Variants in CHKA observed in about 807,000 individuals in gnomAD.
CHKA encodes the protein CHETK-alpha.
A neutral mutation model predicts 60.1 loss-of-function variants in CHKA; 34 were observed. The ratio of observed to expected loss-of-function variants is 0.57; its 90% CI spans 0.43 to 0.75. The LOEUF (loss-of-function observed/expected upper bound fraction) is 0.75. Among genes scored for constraint, CHKA ranks in the 30% least tolerant of loss-of-function variants. The pLI is 0.00. For missense variants in CHKA, 563 were observed against 561.3 expected, an observed-to-expected ratio of 1.00 and a Z score of -0.03; for synonymous variants, 217 against 223.1, an observed-to-expected ratio of 0.97 and a Z score of 0.24.
At chr11:68,080,854 G>A (rs766489841) in intron 3 of CHKA, among the ~76,000 whole-genome samples, 22 of 152,162 alleles carry the variant, frequency 1.4e-4, no homozygotes, top group Non-Finnish European at 2.8e-4. Context: ...AGGCTCCATC[G>A]GTCAGTGCTC....
chr11:68,077,653 GCC>G (rs1426833236), intron 3 of CHKA, among the ~76,000 whole-genome samples: 2 of 152,186 alleles, frequency 1.3e-5, no homozygotes, highest in Non-Finnish European at 2.9e-5. Context: ...TAAGGCCCCT[GCC>G]CACAACGGGG....
Position 68,121,006 on chromosome 11 carries a change from G to A in CHKA, c.172C>T (p.Pro58Ser), listed in dbSNP as rs1447459187. ...GGCAGCGGCAGCGGCGGCGGAGGGGGCAGCGCGAGCGGCGGCTGTTGGCCG... is the reference window on the plus strand; with the variant it reads ...GGCAGCGGCAGCGGCGGCGGAGGGGACAGCGCGAGCGGCGGCTGTTGGCCG... ...LGGQQPPLAL[P>S]PPPPLPLPLP... Residue 58 changes from proline to serine, a missense_variant, in exon 1 of 12, where the codon CCC becomes TCC. Physicochemically the swap from Pro to Ser is moderately conservative, Grantham distance 74. Coordinates refer to ENST00000265689, the MANE Select transcript of CHKA (RefSeq NM_001277.3). 2.7e-6 allele frequency: 3 copies of A among 1,115,152 alleles called. No homozygotes were observed. The highest frequency in any genetic ancestry group is 4.3e-5 in the South Asian group (1 of 23,350). The allele number at this position is 1,115,152 out of a possible 1,614,324, so 69.1% of individuals were successfully genotyped here.
At position 68,121,200 on chromosome 11, in the gene CHKA, C is replaced by T; in HGVS notation, c.-23G>A. 8.7e-7 allele frequency: 1 copy of T among 1,153,014 alleles called. No individual in the cohort carries two copies. The highest frequency in any genetic ancestry group is 1.1e-6 in the Non-Finnish European group (1 of 936,554). 71.4% of individuals were successfully genotyped at this position (1,153,014 alleles called of 1,614,324 possible). On this transcript the variant is annotated 5_prime_UTR_variant, in exon 1 of 12. Transcript: ENST00000265689. ...CATGCCCGACAGGCGGCCGAGGAGG[C>T]GCGGGCGGCCGCAGCGCGAGAGGAC...
At chr11:68,109,844 C>T (rs1200994158) in intron 1 of CHKA, among the ~76,000 whole-genome samples, 6 of 152,042 alleles carry the variant, frequency 3.9e-5, no homozygotes, top group African/African-American at 9.7e-5. Context: ...CCCAGCTACT[C>T]GGGTGACTGA....
intron 1 of CHKA, among the ~76,000 whole-genome samples, chr11:68,115,613 G>A (rs1858354224): frequency 6.6e-6 from 1 of 152,118 alleles, no homozygotes; most frequent in Non-Finnish European, 1.5e-5. Context: ...GCTGAGGCAG[G>A]AGGGACCACT....
At chr11:68,098,884 G>A (rs1857605214) in intron 1 of CHKA, among the ~76,000 whole-genome samples, 1 of 26,302 alleles carries the variant, frequency 3.8e-5, no homozygotes, top group African/African-American at 1.1e-4. Context: ...GGTAGAAACG[G>A]AGTTTTGCCA....
chr11:68,101,307 T>C (rs1052310277), intron 1 of CHKA, among the ~76,000 whole-genome samples: 2 of 152,110 alleles, frequency 1.3e-5, no homozygotes, highest in Middle Eastern at 3.2e-3. Context: ...TCAGCTTCTC[T>C]TGATAGCCAG....
At chr11:68,086,772 G>A (rs1480166050) in intron 2 of CHKA, among the ~76,000 whole-genome samples, 1 of 152,232 alleles carries the variant, frequency 6.6e-6, no homozygotes, top group South Asian at 2.1e-4. Context: ...CGGATCACGA[G>A]GTCAGGGGAT....
chr11:68,113,695 A>G (rs905846740), intron 1 of CHKA, among the ~76,000 whole-genome samples: 2 of 151,164 alleles, frequency 1.3e-5, no homozygotes, highest in Non-Finnish European at 2.9e-5. Flanking sequence ...ACTCTGTCTC[A>G]AAACAAAAAC....
intron 11 of CHKA, among the ~76,000 whole-genome samples, chr11:68,061,095 GTTTTTTTTTT>G (rs757176198): frequency 4.2e-4 from 30 of 70,844 alleles, no homozygotes; most frequent in Admixed American, 6.3e-4. Context: ...GTCAGTGACA[GTTTTTTTTTT>G]TTTTTTTTTT....
rs376390061 is a variant in CHKA, at chr11:68,065,936, G to A, written c.1017-42C>T. 1.4e-4 allele frequency: 196 copies of A among 1,405,932 alleles called. 1 individual carries two copies. The highest frequency in any genetic ancestry group is 1.1e-3 in the Middle Eastern group (6 of 5,588). 87.1% of individuals were successfully genotyped at this position (1,405,932 alleles called of 1,614,324 possible). On this transcript the variant is annotated intron_variant, in intron 8 of 11. Transcript: ENST00000265689. ...GACAGTGCACACAATGAGGCAAACC[G>A]TATGCCTGGAGGCTCCCTGACTGCA...
At chr11:68,074,589 TAC>T in intron 4 of CHKA, 126 bp downstream of exon 4, 1 of 764,962 alleles carries the variant, frequency 1.3e-6, no homozygotes, top group East Asian at 2.5e-5. Context: ...TGATTTCTGA[TAC>T]AGTTTAATGA....
chr11:68,109,697 A>C (rs751600525), intron 1 of CHKA, among the ~76,000 whole-genome samples: 4 of 152,252 alleles, frequency 2.6e-5, no homozygotes, highest in Non-Finnish European at 2.9e-5. Flanking sequence ...TCGTGCCTGT[A>C]GTCCAGCACC....
Position 68,112,685 on chromosome 11 carries a change from AG to A in CHKA, c.350+8142del, listed in dbSNP as rs61291813. ...TCAAGAGAATGAAAAGTCACAAACA[AG>A]GAAAAAATATTTGCAAAAGACACAT... On this transcript the variant is annotated intron_variant, in intron 1 of 11. Coordinates refer to ENST00000265689, the MANE Select transcript of CHKA (RefSeq NM_001277.3). Among the ~76,000 whole-genome samples, 544 of 152,378 alleles carry A rather than the reference AG, an allele frequency of 3.6e-3. 5 individuals are homozygous for A. The highest frequency in any genetic ancestry group is 0.013 in the African/African-American group (524 of 41,602).
intron 6 of CHKA, 152 bp from the exon 7 acceptor site, chr11:68,069,089 A>G: frequency 3.3e-6 from 2 of 608,188 alleles, no homozygotes; most frequent in South Asian, 3.6e-5. Flanking sequence ...CAACTGCGTC[A>G]TTACGTGGCA....
Position 68,081,392 on chromosome 11 carries a change from T to G in CHKA, c.516+12A>C. 6.2e-7 allele frequency: 1 copy of G among 1,611,070 alleles called. No individual in the cohort carries two copies. The highest frequency in any genetic ancestry group is 8.5e-7 in the Non-Finnish European group (1 of 1,177,234). On this transcript the variant is annotated intron_variant, in intron 3 of 11. Coordinates refer to ENST00000265689, the MANE Select transcript of CHKA (RefSeq NM_001277.3). ...ACATCTCACACAGATGCAGAAAGACTGAATTACTTACTTGAAATTCATTTT... is the reference window on the plus strand; with the variant it reads ...ACATCTCACACAGATGCAGAAAGACGGAATTACTTACTTGAAATTCATTTT...
At chr11:68,073,278 T>C (rs1856682118) in intron 4 of CHKA, among the ~76,000 whole-genome samples, 4 of 152,218 alleles carry the variant, frequency 2.6e-5, no homozygotes, top group Admixed American at 2.0e-4. Context: ...AGTTTGATCA[T>C]TCAACATTAT....
chr11:68,086,552 T>C (rs1376286610), intron 2 of CHKA, among the ~76,000 whole-genome samples: 1 of 152,210 alleles, frequency 6.6e-6, no homozygotes, highest in Non-Finnish European at 1.5e-5. Flanking sequence ...CTGAGGGAAG[T>C]AGGTTTATGA....
intron 2 of CHKA, among the ~76,000 whole-genome samples, chr11:68,085,140 T>C (rs1857139419): frequency 6.6e-6 from 1 of 152,128 alleles, no homozygotes; most frequent in Admixed American, 6.5e-5. Context: ...TAGCCTGTGA[T>C]GTAGGAAACA....
Sources: gnomAD v4.1 joint callset for allele counts (sites outside exome capture counted in the v4.1 genomes callset) on GRCh38, gnomAD v4.1.1 for gene constraint, MANE v1.5 for transcripts, NCBI Gene and HGNC (gene_info 2026-07-23, HGNC 2026-07-21) for gene names.